The following ERC1 variants were observed in gnomAD, a reference collection of about 807,000 sequenced individuals.
ERC1 encodes RAB6 interacting protein 2.
In ERC1, 56 loss-of-function variants were observed where a neutral mutation model predicts 132.0. The ratio of observed to expected loss-of-function variants is 0.42; its 90% confidence interval spans 0.34 to 0.53. The LOEUF (loss-of-function observed/expected upper bound fraction) is 0.53, where lower values mean the gene tolerates loss of function less well. ERC1 is among the 20% of genes least tolerant of loss of function. ERC1 has a pLI of 0.03. For synonymous variants in ERC1, 478 were observed against 476.1 expected (o/e 1.00, Z -0.05); for missense variants, 1,202 against 1,349.9 (o/e 0.89, Z 1.72).
chr12:1,134,637 C>T (rs908816267), intron 7 of ERC1, among the ~76,000 whole-genome samples: 1 of 151,916 alleles, frequency 6.6e-6, no homozygotes, highest in African/African-American at 2.4e-5. Context: ...CAGGTGTGAG[C>T]CACCGCACCT....
At chr12:1,092,286 C>T (rs372738291) in intron 3 of ERC1, among the ~76,000 whole-genome samples, 3 of 152,294 alleles carry the variant, frequency 2.0e-5, no homozygotes, top group East Asian at 3.9e-4. Flanking sequence ...CGTGAGCCAC[C>T]GCGCCCGGCC....
chr12:1,285,121 A>T (rs543597431), intron 14 of ERC1, among the ~76,000 whole-genome samples: 1 of 152,308 alleles, frequency 6.6e-6, no homozygotes, highest in South Asian at 2.1e-4. Context: ...GTGTCCTTAA[A>T]CATGACAGAC....
chr12:1,303,229 C>T (rs1038963907), intron 15 of ERC1, among the ~76,000 whole-genome samples: 1 of 152,162 alleles, frequency 6.6e-6, no homozygotes, highest in African/African-American at 2.4e-5. Context: ...GTTGCCACAT[C>T]AATGGACTCT....
chr12:1,114,646 T>G (rs1220142900), intron 6 of ERC1, among the ~76,000 whole-genome samples: 1 of 152,058 alleles, frequency 6.6e-6, no homozygotes, highest in Non-Finnish European at 1.5e-5. Flanking sequence ...GACTCCACGT[T>G]GTTACAGTGT....
intron 2 of ERC1, among the ~76,000 whole-genome samples, chr12:1,082,589 C>G (rs1336383535): frequency 6.8e-6 from 1 of 148,138 alleles, no homozygotes; most frequent in Non-Finnish European, 1.5e-5. Context: ...CTCTCAAGTT[C>G]AAGCGATTCT....
intron 7 of ERC1, among the ~76,000 whole-genome samples, chr12:1,117,933 A>AT (rs1452605119): frequency 3.3e-5 from 5 of 152,118 alleles, no homozygotes; most frequent in Admixed American, 6.5e-5. Context: ...TATTTTAAAA[A>AT]TTTTTTGTGG....
At chr12:1,016,264 A>G (rs1305324940) in intron 1 of ERC1, among the ~76,000 whole-genome samples, 4 of 152,278 alleles carry the variant, frequency 2.6e-5, no homozygotes, top group South Asian at 4.1e-4. Context: ...TTACAAATAT[A>G]GCACATCTGT....
intron 13 of ERC1, among the ~76,000 whole-genome samples, chr12:1,245,812 A>G (rs2076122372): frequency 6.6e-6 from 1 of 152,184 alleles, no homozygotes; most frequent in East Asian, 1.9e-4. Context: ...ACTCAGTTGT[A>G]TCCTATTTCT....
chr12:1,317,005 C>A (rs1183406628), intron 15 of ERC1, among the ~76,000 whole-genome samples: 2 of 151,662 alleles, frequency 1.3e-5, no homozygotes. Context: ...ACTAAAAATA[C>A]CAAAAATTAG....
intron 12 of ERC1, among the ~76,000 whole-genome samples, chr12:1,207,874 A>G (rs1957484176): frequency 6.6e-6 from 1 of 152,204 alleles, no homozygotes; most frequent in Non-Finnish European, 1.5e-5. Flanking sequence ...AGATTTAGCA[A>G]ATAAAAATAT....
At chr12:1,224,982 A>G (rs2074439860) in intron 12 of ERC1, among the ~76,000 whole-genome samples, 1 of 152,136 alleles carries the variant, frequency 6.6e-6, no homozygotes, top group East Asian at 1.9e-4. Flanking sequence ...TTGTCTAAAA[A>G]GAAAGAAAGA....
At chr12:1,394,989 G>T (rs2090410141) in intron 16 of ERC1, among the ~76,000 whole-genome samples, 1 of 152,164 alleles carries the variant, frequency 6.6e-6, no homozygotes, top group Non-Finnish European at 1.5e-5. Flanking sequence ...CTTTTCTTTA[G>T]ATATGGTGTT....
intron 14 of ERC1, among the ~76,000 whole-genome samples, chr12:1,289,493 T>A (rs2079283979): frequency 6.6e-6 from 1 of 152,148 alleles, no homozygotes; most frequent in Non-Finnish European, 1.5e-5. Flanking sequence ...TTCTGTATAT[T>A]TTTTTATATT....
Position 1,332,209 on chromosome 12 carries a change from T to C in ERC1, c.2781-39624T>C, listed in dbSNP as rs1313670372. 2.0e-5 allele frequency among the ~76,000 whole-genome samples: 3 copies of C among 152,216 alleles called. No homozygotes were observed. In the East Asian group the frequency reaches 5.8e-4, roughly 29 times the overall value. On this transcript the variant is annotated intron_variant, in intron 15 of 18. Coordinates refer to ENST00000360905, the MANE Select transcript of ERC1 (RefSeq NM_178040.4). ...GACTTTATCTTACAGTACTTTTGAA[T>C]TTTTTTATTTTGCTAAAGAGCATTT... is the stretch of plus-strand genomic sequence containing the variant.
At chr12:1,379,979 A>T (rs1220225748) in intron 16 of ERC1, 1 of 152,224 alleles carries the variant, frequency 6.6e-6, no homozygotes, top group East Asian at 1.9e-4. Context: ...ATGCAGTGAA[A>T]TGCTGCTCAG....
chr12:1,470,515 G>T (rs915973168), intron 18 of ERC1, among the ~76,000 whole-genome samples: 1 of 150,268 alleles, frequency 6.7e-6, no homozygotes, highest in Non-Finnish European at 1.5e-5. Flanking sequence ...AACCAAATAC[G>T]CTAGGCGGAC....
intron 17 of ERC1, among the ~76,000 whole-genome samples, chr12:1,436,155 G>GAC (rs139467911): frequency 0.11 from 16,578 of 148,638 alleles, 1,598 homozygotes; most frequent in African/African-American, 0.26. Context: ...CAGACAGACG[G>GAC]ACACACACAC....
intron 12 of ERC1, among the ~76,000 whole-genome samples, chr12:1,217,956 T>C (rs942546358): frequency 6.6e-6 from 1 of 152,138 alleles, no homozygotes; most frequent in Non-Finnish European, 1.5e-5. Context: ...TGCAGACTGG[T>C]CTCACATTGA....
At chr12:1,183,546 G>T (rs528501526) in intron 11 of ERC1, 125 bp downstream of exon 11, 3 of 507,480 alleles carry the variant, frequency 5.9e-6, no homozygotes, top group South Asian at 1.1e-4. Context: ...AAAATACCAT[G>T]TATATCTGAA....
Sources: allele counts gnomAD v4.1 joint callset (sites outside exome capture counted in the v4.1 genomes callset), GRCh38; gene constraint gnomAD v4.1.1; transcripts MANE v1.5; gene names NCBI Gene and HGNC (gene_info 2026-07-23, HGNC 2026-07-21).